Variants in PRKDC observed in about 807,000 individuals in gnomAD.
The protein encoded by PRKDC is DNA-dependent protein kinase catalytic subunit.
A neutral mutation model predicts 486.9 loss-of-function variants in PRKDC; 82 were observed. The observed-to-expected ratio is 0.17, with a 90% CI of 0.14 to 0.20. The LOEUF is 0.20. Ranked by LOEUF, PRKDC falls within the 10% of genes least tolerant of loss-of-function variation. The probability of loss-of-function intolerance (pLI) is 1.00; values close to 1 mark genes in which losing one functional copy is unlikely to be tolerated. For synonymous variants in PRKDC, 1,895 were observed against 1,837.0 expected, an observed-to-expected ratio of 1.03 and a Z score of -0.81; for missense variants, 4,504 against 5,038.2, an observed-to-expected ratio of 0.89 and a Z score of 3.21.
intron 85 of PRKDC, among the ~76,000 whole-genome samples, chr8:47,775,671 C>T (rs114407734): frequency 0.014 from 2,108 of 152,026 alleles, 37 homozygotes; most frequent in African/African-American, 0.04. Context: ...GCTGAAACAC[C>T]TTCTTGATAG....
chr8:47,899,229 G>T (rs1314467742), intron 28 of PRKDC, among the ~76,000 whole-genome samples: 2 of 152,142 alleles, frequency 1.3e-5, no homozygotes, highest in East Asian at 3.8e-4. Context: ...TCACCCATAT[G>T]GGAAATCAAG....
At chr8:47,914,645 C>A (rs2089959169) in intron 23 of PRKDC, among the ~76,000 whole-genome samples, 1 of 151,880 alleles carries the variant, frequency 6.6e-6, no homozygotes, top group South Asian at 2.1e-4. Context: ...ACTAAAAATA[C>A]AAAAAATTAG....
rs988267817 is a variant in PRKDC, at chr8:47,934,044, C to G, written c.1544G>C (p.Arg515Thr). 6.8e-6 allele frequency: 11 copies of G among 1,613,704 alleles called. No individual in the cohort carries two copies. The highest frequency in any genetic ancestry group is 7.6e-6 in the Non-Finnish European group (9 of 1,179,798). Residue 515 changes from arginine (R) to threonine (T), a missense_variant, in exon 15 of 86, where the codon AGA becomes ACA. Around this residue, in one of 6 missense-constraint regions of PRKDC, gnomAD observed 1,969 missense variants for 2,068.9 expected, o/e 0.95. Transcript: ENST00000314191. Reference sequence around the variant, plus strand: ...TGTGGGCACCTTCCATTTGCCAGTTCTGACTTCCCCTGAAGCACGGTGGTC... The same window carrying G: ...TGTGGGCACCTTCCATTTGCCAGTTGTGACTTCCCCTGAAGCACGGTGGTC... ...SEDHRASGEV[R>T]TGKWKVPTYK...
chr8:47,873,257 CCAAGCGAGTTGGCT>C (rs2089001477), intron 40 of PRKDC, among the ~76,000 whole-genome samples: 1 of 147,240 alleles, frequency 6.8e-6, no homozygotes, highest in South Asian at 2.2e-4. Flanking sequence ...AAAAAATAGG[CCAAGCGAGTTGGCT>C]CAAGCCTGTA....
At chr8:47,787,746 C>T (rs768652535) in intron 76 of PRKDC, among the ~76,000 whole-genome samples, 8 of 152,154 alleles carry the variant, frequency 5.3e-5, no homozygotes, top group African/African-American at 1.4e-4. Flanking sequence ...TCCGACACAA[C>T]GTGCACACTG....
chr8:47,779,778 C>T (rs538140584), intron 80 of PRKDC, among the ~76,000 whole-genome samples: 5 of 152,032 alleles, frequency 3.3e-5, no homozygotes, highest in South Asian at 2.1e-4. Flanking sequence ...TTAGTAGAGA[C>T]GGGGTTTCAC....
At chr8:47,959,532 A>G (rs990452642) in intron 1 of PRKDC, among the ~76,000 whole-genome samples, 1 of 151,932 alleles carries the variant, frequency 6.6e-6, no homozygotes, top group African/African-American at 2.4e-5. Context: ...CAAAAAAATT[A>G]GCCGGGCGTG....
intron 42 of PRKDC, 54 bp from the exon 43 acceptor site, chr8:47,862,595 C>G: frequency 1.3e-6 from 2 of 1,500,450 alleles, no homozygotes; most frequent in Middle Eastern, 1.8e-4. Context: ...AATCACTGCT[C>G]AAGCCCAACA....
chr8:47,892,400 G>A (rs1014303974), intron 31 of PRKDC, among the ~76,000 whole-genome samples: 2 of 151,968 alleles, frequency 1.3e-5, no homozygotes, highest in Non-Finnish European at 2.9e-5. Context: ...GCACAATCAC[G>A]GCTCACTGTA....
chr8:47,777,830 C>T lies in PRKDC; in HGVS notation c.11898G>A (p.Gln3966=). 6.2e-7 allele frequency: 1 copy of T among 1,613,992 alleles called. No individual in the cohort carries two copies. Among genetic ancestry groups the T allele is most frequent in the Non-Finnish European group, 8.5e-7 (1 of 1,179,886 alleles). The part of the protein sequence containing the change: ...PELMPFRLTR[Q]FINLMLPMKE... ...TCATTGGTAACATCAGATTGATAAA[C>T]TGGCGAGTTAGCCGAAAAGGCATCA... Residue 3966 remains glutamine, a synonymous_variant, in exon 84 of 86, where the codon CAG becomes CAA. Transcript: ENST00000314191.
intron 13 of PRKDC, 66 bp from the exon 14 acceptor site, chr8:47,935,124 A>C: frequency 8.9e-7 from 1 of 1,123,430 alleles, no homozygotes; most frequent in Non-Finnish European, 1.3e-6. Flanking sequence ...ACTCACAAAA[A>C]AAAACAAACA....
At chr8:47,787,597 T>G (rs1026176934) in intron 76 of PRKDC, among the ~76,000 whole-genome samples, 11 of 152,370 alleles carry the variant, frequency 7.2e-5, no homozygotes, top group Middle Eastern at 6.8e-3. Context: ...ATCTCCTGCC[T>G]GAAAGGAACA....
intron 16 of PRKDC, among the ~76,000 whole-genome samples, chr8:47,932,471 C>A (rs1470935527): frequency 6.6e-6 from 1 of 152,154 alleles, no homozygotes; most frequent in East Asian, 1.9e-4. Context: ...CCTGCCTCGG[C>A]CTCCCAAAGT....
chr8:47,809,425 A>C (rs2087282547), intron 68 of PRKDC, among the ~76,000 whole-genome samples: 1 of 152,220 alleles, frequency 6.6e-6, no homozygotes, highest in Non-Finnish European at 1.5e-5. Flanking sequence ...GACTGGATCC[A>C]TAAATGTCTC....
chr8:47,872,131 C>T (rs773337547), intron 40 of PRKDC, among the ~76,000 whole-genome samples: 76 of 151,884 alleles, frequency 5.0e-4, no homozygotes, highest in Non-Finnish European at 9.6e-4. Context: ...GTTTAAAAAG[C>T]GGAAGATGAG....
chr8:47,869,069 T>C (rs1165816427), intron 40 of PRKDC, among the ~76,000 whole-genome samples: 1 of 151,958 alleles, frequency 6.6e-6, no homozygotes, highest in Non-Finnish European at 1.5e-5. Flanking sequence ...TGCCTTGGGG[T>C]CCCAAACAAA....
intron 25 of PRKDC, among the ~76,000 whole-genome samples, chr8:47,910,159 A>G (rs1330448837): frequency 6.6e-6 from 1 of 152,150 alleles, no homozygotes; most frequent in African/African-American, 2.4e-5. Context: ...GAAAATAGAA[A>G]AGAACCTACG....
intron 33 of PRKDC, 41 bp downstream of exon 33, chr8:47,888,973 T>C (rs772211484): frequency 1.3e-6 from 2 of 1,581,252 alleles, no homozygotes; most frequent in Admixed American, 3.4e-5. Context: ...GGGCCTGAAA[T>C]TCCAGGACAA....
At chr8:47,851,337 A>G (rs2088397576) in intron 52 of PRKDC, among the ~76,000 whole-genome samples, 2 of 152,252 alleles carry the variant, frequency 1.3e-5, no homozygotes, top group South Asian at 2.1e-4. Flanking sequence ...TGTTAGAATC[A>G]TCTTGTAAAA....
Sources: gnomAD v4.1 joint callset for allele counts (sites outside exome capture counted in the v4.1 genomes callset) on GRCh38, gnomAD v4.1.1 for gene constraint, gnomAD v4.1.1 regional missense constraint, MANE v1.5 for transcripts, NCBI Gene and HGNC (gene_info 2026-07-23, HGNC 2026-07-21) for gene names.